KIAA1549L: variants seen among roughly 807,000 people sequenced by gnomAD.
The protein encoded by KIAA1549L is UPF0606 protein KIAA1549L.
In KIAA1549L, 88 loss-of-function variants were observed where a neutral mutation model predicts 160.7. That is an observed-to-expected ratio of 0.55 (90% confidence interval 0.46 to 0.65). The LOEUF is 0.65. Ranked by LOEUF, KIAA1549L falls within the 30% of genes least tolerant of loss-of-function variation. KIAA1549L has a pLI of 0.00. For missense variants in KIAA1549L, 2,258 were observed against 2,437.5 expected, an observed-to-expected ratio of 0.93 and a Z score of 1.55; for synonymous variants, 950 against 976.7, an observed-to-expected ratio of 0.97 and a Z score of 0.51.
chr11:33,625,612 T>C (rs1377834950), intron 16 of KIAA1549L, among the ~76,000 whole-genome samples: 2 of 151,856 alleles, frequency 1.3e-5, no homozygotes, highest in Admixed American at 1.3e-4. Flanking sequence ...GGTTGTTTGT[T>C]TTTTTCTTGT....
intron 1 of KIAA1549L, among the ~76,000 whole-genome samples, chr11:33,476,944 C>T (rs1242427930): frequency 6.6e-6 from 1 of 152,132 alleles, no homozygotes. Context: ...TTCTGTATCT[C>T]TGGCACCTGT....
chr11:33,453,721 G>T (rs1313201162), intron 1 of KIAA1549L, among the ~76,000 whole-genome samples: 1 of 152,206 alleles, frequency 6.6e-6, no homozygotes, highest in Non-Finnish European at 1.5e-5. Context: ...TAACAAATCA[G>T]ATTAAAATAG....
Position 33,544,936 on chromosome 11 carries a change from T to C in KIAA1549L, c.2943T>C (p.Leu981=), listed in dbSNP as rs751666087. The change falls in exon 3 of 21, where the codon CTT becomes CTC. Residue 981 remains leucine (L), a synonymous_variant. Coordinates refer to ENST00000658780, the MANE Select transcript of KIAA1549L (RefSeq NM_012194.3). The part of the protein sequence containing the change: ...GPAKSSSMTT[L]AKNVTNKAAS... ...CTAAGAGCAGTTCGATGACTACTCT[T>C]GCTAAAAATGTCACAAACAAGGCCG... 1 of 1,613,638 alleles carries C rather than the reference T, an allele frequency of 6.2e-7. No homozygotes were observed. Among genetic ancestry groups the C allele is most frequent in the South Asian group, 1.1e-5 (1 of 91,062 alleles).
At chr11:33,612,718 A>G (rs1380859810) in intron 15 of KIAA1549L, among the ~76,000 whole-genome samples, 1 of 151,886 alleles carries the variant, frequency 6.6e-6, no homozygotes, top group Non-Finnish European at 1.5e-5. Context: ...TATTAAACCT[A>G]TTAGCCAATA....
intron 10 of KIAA1549L, among the ~76,000 whole-genome samples, chr11:33,578,604 A>G (rs912066436): frequency 6.6e-6 from 1 of 152,242 alleles, no homozygotes; most frequent in Non-Finnish European, 1.5e-5. Context: ...GGCTCCCATC[A>G]TTCACAGAAT....
chr11:33,574,599 G>A (rs59911945), intron 9 of KIAA1549L, 103 bp from the exon 10 acceptor site: 1 of 1,095,472 alleles, frequency 9.1e-7, no homozygotes, highest in Non-Finnish European at 1.3e-6. Flanking sequence ...TCTAGCCACA[G>A]AAGTCTTCAG....
At chr11:33,489,117 T>C (rs538462824) in intron 1 of KIAA1549L, among the ~76,000 whole-genome samples, 1 of 152,344 alleles carries the variant, frequency 6.6e-6, no homozygotes, top group African/African-American at 2.4e-5. Flanking sequence ...TTAGCATGTC[T>C]TCGTCAGTTC....
chr11:33,476,449 A>C (rs1008537567), intron 1 of KIAA1549L, among the ~76,000 whole-genome samples: 6 of 152,230 alleles, frequency 3.9e-5, no homozygotes, highest in African/African-American at 1.4e-4. Flanking sequence ...CCCAGAATCC[A>C]GAGCAGTTTT....
In KIAA1549L at chr11:33,572,415, T is replaced by C. The variant is rs1168390984; in HGVS notation, c.4231-2287T>C. 2.6e-5 allele frequency among the ~76,000 whole-genome samples: 4 copies of C among 152,360 alleles called. No individual in the cohort carries two copies. In the East Asian group the frequency reaches 7.7e-4, roughly 29 times the overall value. On this transcript the variant is annotated intron_variant, in intron 9 of 20. Coordinates refer to ENST00000658780, the MANE Select transcript of KIAA1549L (RefSeq NM_012194.3). ...ACTATCTAGGTTCTACAATTGACAT[T>C]ATACTGTTACTATTTTATATTTGAT...
At chr11:33,633,221 A>G (rs977523412) in intron 16 of KIAA1549L, among the ~76,000 whole-genome samples, 5 of 123,020 alleles carry the variant, frequency 4.1e-5, no homozygotes, top group African/African-American at 1.6e-4. Flanking sequence ...CTGGTCTTGA[A>G]CTCCTGACCT....
rs146520786 is a variant in KIAA1549L, at chr11:33,512,073, T to A, written c.239-29729T>A. ...CTGGATAATCTTGATAAGGTACTAC[T>A]GCAAGTCTATGACTATCTCAGAATA... On this transcript the variant is annotated intron_variant, in intron 1 of 20. Coordinates refer to ENST00000658780, the MANE Select transcript of KIAA1549L (RefSeq NM_012194.3). Among the ~76,000 whole-genome samples the A allele has an allele frequency of 6.8e-3, 1,033 of 152,364 alleles. 6 individuals carry two copies. The highest frequency in any genetic ancestry group is 0.011 in the Non-Finnish European group (762 of 68,036).
intron 9 of KIAA1549L, among the ~76,000 whole-genome samples, chr11:33,571,011 A>G (rs1855235029): frequency 6.6e-6 from 1 of 152,218 alleles, no homozygotes. Flanking sequence ...TCGACCAGGC[A>G]CAGTGGCTCA....
chr11:33,566,759 C>T (rs994453145), intron 8 of KIAA1549L, among the ~76,000 whole-genome samples: 37 of 152,280 alleles, frequency 2.4e-4, no homozygotes, highest in African/African-American at 8.4e-4. Context: ...TACTGGATGC[C>T]ATAACTGCAA....
At chr11:33,534,136 G>T (rs1012923481) in intron 1 of KIAA1549L, among the ~76,000 whole-genome samples, 4 of 151,960 alleles carry the variant, frequency 2.6e-5, no homozygotes, top group African/African-American at 9.7e-5. Context: ...TCTCTGGAGT[G>T]CAGTGGTGTG....
chr11:33,617,845 A>G (rs1273893841), intron 15 of KIAA1549L, among the ~76,000 whole-genome samples: 1 of 147,730 alleles, frequency 6.8e-6, no homozygotes, highest in African/African-American at 2.5e-5. Flanking sequence ...AGGTGGGTGG[A>G]TGGATGGATG....
intron 1 of KIAA1549L, among the ~76,000 whole-genome samples, chr11:33,459,960 C>CAAAAAAAAAAAAA (rs61580338): frequency 4.5e-5 from 3 of 67,178 alleles, no homozygotes; most frequent in African/African-American, 2.2e-4. Flanking sequence ...GACTCCGTCT[C>CAAAAAAAAAAAAA]AAAAAAAAAA....
chr11:33,522,900 C>CAA lies in KIAA1549L; in HGVS notation c.239-18890_239-18889dup, dbSNP rs56199693. ...GGTGACAAAGTGAGATTCTCTCTCT[C>CAA]AAAAAAAAAAAAATATGGTCTTTAC... On this transcript the variant is annotated intron_variant, in intron 1 of 20. Transcript: ENST00000658780. Among the ~76,000 whole-genome samples, 1,325 of 147,190 alleles carry CAA rather than the reference C, an allele frequency of 9.0e-3. 10 individuals carry two copies. Among genetic ancestry groups the CAA allele is most frequent in the African/African-American group, 0.011 (440 of 40,146 alleles).
intron 1 of KIAA1549L, among the ~76,000 whole-genome samples, chr11:33,518,145 A>C (rs1353798805): frequency 1.6e-5 from 1 of 61,192 alleles, no homozygotes; most frequent in African/African-American, 6.7e-5. Flanking sequence ...TCTCAAAAAA[A>C]AAAAAAAAAA....
At chr11:33,518,642 C>T (rs1178726107) in intron 1 of KIAA1549L, among the ~76,000 whole-genome samples, 1 of 152,108 alleles carries the variant, frequency 6.6e-6, no homozygotes, top group African/African-American at 2.4e-5. Flanking sequence ...AATAAAGTTA[C>T]TATTTTGCTT....
Sources: gnomAD v4.1 joint callset for allele counts (sites outside exome capture counted in the v4.1 genomes callset) on GRCh38, gnomAD v4.1.1 for gene constraint, MANE v1.5 for transcripts, NCBI Gene and HGNC (gene_info 2026-07-23, HGNC 2026-07-21) for gene names.